KMT2C: variants seen among roughly 807,000 people sequenced by gnomAD.
KMT2C encodes histone-lysine N-methyltransferase 2C.
A neutral mutation model predicts 507.9 loss-of-function variants in KMT2C; 88 were observed. The observed-to-expected ratio is 0.17, with a 90% confidence interval of 0.15 to 0.21. The LOEUF is 0.21. Among genes scored for constraint, KMT2C ranks in the 10% least tolerant of loss-of-function variants. The probability of loss-of-function intolerance (pLI) is 1.00; values close to 1 mark genes in which losing one functional copy is unlikely to be tolerated. For missense variants in KMT2C, 4,954 were observed against 5,957.8 expected (o/e 0.83, Z 5.55); for synonymous variants, 2,049 against 2,080.8 (o/e 0.98, Z 0.42).
intron 2 of KMT2C, among the ~76,000 whole-genome samples, chr7:152,345,248 A>T (rs901711527): frequency 6.7e-6 from 1 of 149,564 alleles, no homozygotes; most frequent in African/African-American, 2.5e-5. Context: ...CAAAAAAACT[A>T]TTTTTTTTTT....
At chr7:152,271,951 A>T (rs1030889033) in intron 7 of KMT2C, among the ~76,000 whole-genome samples, 2 of 152,036 alleles carry the variant, frequency 1.3e-5, no homozygotes, top group Non-Finnish European at 2.9e-5. Flanking sequence ...ACTGCTGAAA[A>T]GGTATGGGGC....
intron 6 of KMT2C, among the ~76,000 whole-genome samples, chr7:152,295,949 T>C (rs1381635967): frequency 6.7e-6 from 1 of 150,010 alleles, no homozygotes; most frequent in Non-Finnish European, 1.5e-5. Flanking sequence ...GTGCCTATAG[T>C]CCCAGCTACT....
At chr7:152,185,168 T>TG (rs1226650198) in intron 34 of KMT2C, among the ~76,000 whole-genome samples, 1 of 152,228 alleles carries the variant, frequency 6.6e-6, no homozygotes, top group East Asian at 1.9e-4. Context: ...GGAAAGAGTC[T>TG]GTACAAGTTC....
intron 1 of KMT2C, among the ~76,000 whole-genome samples, chr7:152,359,511 T>C (rs1008508575): frequency 9.9e-5 from 15 of 152,180 alleles, no homozygotes; most frequent in African/African-American, 3.6e-4. Flanking sequence ...GGCTCACACC[T>C]GTAACCCCAG....
At chr7:152,280,433 C>A (rs1348404501) in intron 6 of KMT2C, among the ~76,000 whole-genome samples, 12 of 152,342 alleles carry the variant, frequency 7.9e-5, no homozygotes, top group Admixed American at 2.6e-4. Context: ...CGCCTGTAAT[C>A]CCGGCCACCT....
At chr7:152,188,368 G>T (rs1420696584) in intron 31 of KMT2C, among the ~76,000 whole-genome samples, 2 of 151,954 alleles carry the variant, frequency 1.3e-5, no homozygotes, top group Non-Finnish European at 2.9e-5. Context: ...TAAACCGTAG[G>T]TATTCTGTTA....
At chr7:152,297,009 G>GAAAGAAAGAAAGAA (rs2096508125) in intron 6 of KMT2C, among the ~76,000 whole-genome samples, 3 of 68,400 alleles carry the variant, frequency 4.4e-5, no homozygotes, top group Non-Finnish European at 7.9e-5. Flanking sequence ...AAGAAAGAAA[G>GAAAGAAAGAAAGAA]AAAGAAAGAA....
intron 43 of KMT2C, among the ~76,000 whole-genome samples, chr7:152,161,479 G>A (rs1444373911): frequency 6.6e-6 from 1 of 152,016 alleles, no homozygotes; most frequent in East Asian, 1.9e-4. Flanking sequence ...CTCCAGTTTT[G>A]GAACTATCTT....
intron 31 of KMT2C, 53 bp from the exon 32 acceptor site, chr7:152,187,900 T>G (rs549962343): frequency 5.7e-6 from 9 of 1,588,570 alleles, no homozygotes; most frequent in African/African-American, 2.7e-5. Context: ...TAACAAGGAG[T>G]TGAAGTAAAG....
rs869076803 is a variant in KMT2C, at chr7:152,226,219, C to CTTTTTTTTTTTTTTTTTTT, written c.2977-1622_2977-1604dup. Among the ~76,000 whole-genome samples the CTTTTTTTTTTTTTTTTTTT allele has an allele frequency of 1.8e-4, 17 of 94,948 alleles. 1 individual carries two copies. The highest frequency in any genetic ancestry group is 3.8e-4 in the African/African-American group (9 of 23,968). 62.3% of individuals were successfully genotyped at this position (94,948 alleles called of 152,430 possible). A position where few individuals can be genotyped will look rare whatever the true frequency, so the allele number is the denominator to read the frequency against. The stretch of plus-strand genomic sequence containing the variant: ...AAGAGTTGGTTGTTCATTACAAGGC[C>CTTTTTTTTTTTTTTTTTTT]TTTTTTTTTTTTTTTTTTTTTTTTT... On this transcript the variant is annotated intron_variant, in intron 18 of 58. Transcript: ENST00000262189.
At chr7:152,350,878 C>A (rs767547611) in intron 2 of KMT2C, among the ~76,000 whole-genome samples, 5 of 152,184 alleles carry the variant, frequency 3.3e-5, no homozygotes, top group African/African-American at 4.8e-5. Flanking sequence ...CAGCTTAAAA[C>A]ACACACTGTA....
intron 5 of KMT2C, 32 bp from the exon 6 acceptor site, chr7:152,310,107 A>C: frequency 7.1e-7 from 1 of 1,399,610 alleles, no homozygotes; most frequent in Non-Finnish European, 1.0e-6. Context: ...GGAGCAAATG[A>C]GCAAACATTA....
At chr7:152,227,147 T>C (rs2094958404) in intron 18 of KMT2C, among the ~76,000 whole-genome samples, 1 of 152,210 alleles carries the variant, frequency 6.6e-6, no homozygotes. Flanking sequence ...GACCTTCTTA[T>C]TCTCAAATCT....
At position 152,149,155 on chromosome 7, in the gene KMT2C, G is replaced by A; in HGVS notation, c.12775-3C>T. On this transcript the variant is annotated splice_region_variant and splice_polypyrimidine_tract_variant and intron_variant, in intron 51 of 58. Transcript: ENST00000262189. ...TGTGGCAATGAAGGAATGGATTCCT[G>A]GGCAACATAAAGAAACCATGACAAA... The A allele has an allele frequency of 1.4e-6, 2 of 1,451,696 alleles. No individual in the cohort carries two copies. The highest frequency in any genetic ancestry group is 1.8e-6 in the Non-Finnish European group (2 of 1,103,462). The allele number at this position is 1,451,696 out of a possible 1,614,324, so 89.9% of individuals were successfully genotyped here. A position where few individuals can be genotyped will look rare whatever the true frequency, so the allele number is the denominator to read the frequency against.
rs2129120253 is a variant in KMT2C, at chr7:152,181,736, G to A, written c.6124C>T (p.Pro2042Ser). ...GGAGGTTGCATTGGAGTCTTAAAAG[G>A]TCCAGGACCACTATCAAGAGGTGCA... ...TPAPLDSGPG[P>S]FKTPMQPPPS... Residue 2042 changes from proline to serine, a missense_variant, in exon 36 of 59, where the codon CCT becomes TCT. By Grantham distance (74) the Pro-to-Ser change is moderately conservative. Coordinates refer to ENST00000262189, the MANE Select transcript of KMT2C (RefSeq NM_170606.3). The A allele has an allele frequency of 6.2e-7, 1 of 1,614,126 alleles. No individual in the cohort carries two copies.
intron 1 of KMT2C, among the ~76,000 whole-genome samples, chr7:152,376,564 A>G (rs2097329819): frequency 6.6e-6 from 1 of 152,254 alleles, no homozygotes; most frequent in South Asian, 2.1e-4. Context: ...ACCAGCCATA[A>G]CATTCCCTTA....
At chr7:152,318,822 T>A (rs750457125) in intron 3 of KMT2C, among the ~76,000 whole-genome samples, 26 of 151,904 alleles carry the variant, frequency 1.7e-4, no homozygotes, top group Non-Finnish European at 3.1e-4. Flanking sequence ...AACATGACAT[T>A]AGAGATGAAA....
Position 152,148,080 on chromosome 7 carries a change from A to G in KMT2C, c.13847T>C (p.Val4616Ala). ...AACCAGGTCTTCATGGCCTTGTTCC[A>G]CAATCCTGATGACAAACACTGGGCG... The part of the protein sequence containing the change: ...DGRPVFVIRI[V>A]EQGHEDLVLS... The change falls in exon 52 of 59, where the codon GTG (valine) becomes GCG (alanine). Residue 4616 changes from valine (V) to alanine (A), a missense_variant. By Grantham distance (64) the Val-to-Ala change is moderately conservative. Around this residue, in one of 29 missense-constraint regions of KMT2C, gnomAD observed 221 missense variants for 304.7 expected, o/e 0.73. Coordinates refer to ENST00000262189, the MANE Select transcript of KMT2C (RefSeq NM_170606.3). This position sits in a 1 kb window ranked among gnomAD's most constrained non-coding sequence, Gnocchi z 7.1. 1 of 1,606,160 alleles carries G rather than the reference A, an allele frequency of 6.2e-7. No homozygotes were observed. The highest frequency in any genetic ancestry group is 2.2e-5 in the East Asian group (1 of 44,646).
Position 152,162,435 on chromosome 7 carries a change from T to G in KMT2C, c.11142A>C (p.Lys3714Asn). 6.2e-7 allele frequency: 1 copy of G among 1,614,280 alleles called. No individual in the cohort carries two copies. The highest frequency in any genetic ancestry group is 8.5e-7 in the Non-Finnish European group (1 of 1,180,052). ...VDKLSMETPA[K>N]TEEIKLEKAE... ...CCTTTTCCAGTTTTATCTCTTCTGT[T>G]TTGGCAGGGGTTTCCATGGAGAGCT... Residue 3714 changes from lysine (K) to asparagine (N), a missense_variant, in exon 43 of 59, where the codon AAA becomes AAC. Lys to Asn is a moderately conservative substitution (Grantham distance 94, BLOSUM62 0). Around this residue, in one of 29 missense-constraint regions of KMT2C, gnomAD observed 801 missense variants for 751.2 expected, o/e 1.07. Coordinates refer to ENST00000262189, the MANE Select transcript of KMT2C (RefSeq NM_170606.3).
Sources: gnomAD v4.1 joint callset for allele counts (sites outside exome capture counted in the v4.1 genomes callset) on GRCh38, gnomAD v4.1.1 for gene constraint, gnomAD v4.1.1 regional missense constraint, Gnocchi (gnomAD v3.1) non-coding constraint, MANE v1.5 for transcripts, NCBI Gene and HGNC (gene_info 2026-07-23, HGNC 2026-07-21) for gene names.